SND1: variants seen among roughly 807,000 people sequenced by gnomAD.
SND1 encodes the protein staphylococcal nuclease domain-containing protein 1.
SND1 carries 38 observed loss-of-function variants against 121.7 expected under a neutral mutation model. The ratio of observed to expected loss-of-function variants is 0.31; its 90% CI spans 0.24 to 0.41. The LOEUF is 0.41. Ranked by LOEUF, SND1 falls within the 10% of genes least tolerant of loss-of-function variation. The pLI is 1.00. For missense variants in SND1, 868 were observed against 1,184.6 expected, an observed-to-expected ratio of 0.73 and a Z score of 3.92; for synonymous variants, 401 against 447.4, an observed-to-expected ratio of 0.90 and a Z score of 1.31.
rs958944872 is a variant in SND1 at position 128,081,644 on chromosome 7, C to G, written c.2110+143C>G. On this transcript the variant is annotated intron_variant, in intron 18 of 23. Coordinates refer to ENST00000354725, the MANE Select transcript of SND1 (RefSeq NM_014390.4). ...CCCCTGAAGAGCTCACGTTGCCGCC[C>G]CTGTCTCCCTGCCTTGTCCCACTGC... is the stretch of plus-strand genomic sequence containing the variant. The G allele has an allele frequency of 4.6e-6, 4 of 871,018 alleles. No individual in the cohort carries two copies. In the Admixed American group the frequency reaches 6.8e-5, roughly 15 times the overall value. 54.0% of individuals were successfully genotyped at this position (871,018 alleles called of 1,614,324 possible).
intron 10 of SND1, among the ~76,000 whole-genome samples, chr7:127,743,032 C>A (rs1796912266): frequency 6.6e-6 from 1 of 151,922 alleles, no homozygotes; most frequent in African/African-American, 2.4e-5. Flanking sequence ...ACATGTTAAC[C>A]CCCCACCCCC....
chr7:127,824,418 A>G (rs1436288485), intron 11 of SND1, among the ~76,000 whole-genome samples: 3 of 152,158 alleles, frequency 2.0e-5, no homozygotes, highest in Non-Finnish European at 4.4e-5. Flanking sequence ...CTCCTTGTTC[A>G]TTGGAGACAT....
At chr7:127,969,466 C>T (rs1801929802) in intron 15 of SND1, among the ~76,000 whole-genome samples, 1 of 152,192 alleles carries the variant, frequency 6.6e-6, no homozygotes. Context: ...TGACTCACGC[C>T]TGTAATCCCA....
intron 17 of SND1, among the ~76,000 whole-genome samples, chr7:128,077,179 G>T (rs963817311): frequency 6.6e-6 from 1 of 152,208 alleles, no homozygotes; most frequent in Non-Finnish European, 1.5e-5. Flanking sequence ...CCCCTCGCCA[G>T]CCCCACCCCT....
intron 12 of SND1, among the ~76,000 whole-genome samples, chr7:127,846,669 G>T (rs1799069641): frequency 6.6e-6 from 1 of 152,120 alleles, no homozygotes; most frequent in African/African-American, 2.4e-5. Flanking sequence ...TAGCATCTAA[G>T]GCATGACCAC....
chr7:127,753,883 C>G (rs1273169811), intron 10 of SND1, among the ~76,000 whole-genome samples: 1 of 152,292 alleles, frequency 6.6e-6, no homozygotes, highest in African/African-American at 2.4e-5. Context: ...CAATACTACA[C>G]CCATCCAGAT....
chr7:127,858,366 C>T, intron 12 of SND1: 2 of 1,357,188 alleles, frequency 1.5e-6, no homozygotes, highest in South Asian at 2.5e-5. Flanking sequence ...GCCCTAGCCA[C>T]TGTCTCTCTA....
chr7:127,984,927 T>C (rs559210618), intron 15 of SND1, among the ~76,000 whole-genome samples: 4 of 152,196 alleles, frequency 2.6e-5, no homozygotes, highest in Non-Finnish European at 5.9e-5. Context: ...ATTGCCTCCT[T>C]CCTCTGGCTC....
chr7:127,805,631 T>C (rs925709915), intron 10 of SND1, among the ~76,000 whole-genome samples: 7 of 152,192 alleles, frequency 4.6e-5, no homozygotes, highest in African/African-American at 1.4e-4. Context: ...ATCTATTTCA[T>C]AGATCCCCTT....
In SND1 at chr7:127,823,674, C is replaced by G. The variant is rs572891521; in HGVS notation, c.1242+16101C>G. 2.6e-5 allele frequency among the ~76,000 whole-genome samples: 4 copies of G among 152,294 alleles called. No homozygotes were observed. In the South Asian group the frequency reaches 8.3e-4, roughly 32 times the overall value. On this transcript the variant is annotated intron_variant, in intron 11 of 23. Coordinates refer to ENST00000354725, the MANE Select transcript of SND1 (RefSeq NM_014390.4). Reference sequence around the variant, plus strand: ...ATCAGTTAGGAACAAATGTTGGATGCCTTGCCTCTCTCAACATTTTCGAGC... The same window carrying G: ...ATCAGTTAGGAACAAATGTTGGATGGCTTGCCTCTCTCAACATTTTCGAGC...
At chr7:127,905,527 T>C (rs892502388) in intron 14 of SND1, among the ~76,000 whole-genome samples, 8 of 152,126 alleles carry the variant, frequency 5.3e-5, no homozygotes, top group African/African-American at 1.9e-4. Context: ...GCTCTGAGAA[T>C]ATAACAATGA....
intron 10 of SND1, among the ~76,000 whole-genome samples, chr7:127,785,068 A>G (rs1347479293): frequency 6.6e-6 from 1 of 152,096 alleles, no homozygotes; most frequent in Non-Finnish European, 1.5e-5. Context: ...GACTACAGGG[A>G]CACAGCACCA....
intron 11 of SND1, among the ~76,000 whole-genome samples, chr7:127,830,945 A>C (rs920127132): frequency 2.6e-5 from 4 of 152,218 alleles, no homozygotes; most frequent in African/African-American, 9.7e-5. Flanking sequence ...CAGTTACATG[A>C]ACCCTATTTT....
At chr7:128,068,993 C>T (rs1025343773) in intron 16 of SND1, among the ~76,000 whole-genome samples, 2 of 152,252 alleles carry the variant, frequency 1.3e-5, no homozygotes, top group African/African-American at 2.4e-5. Flanking sequence ...CAGCGTCGAG[C>T]TGCTCTCCTG....
chr7:127,899,540 T>C (rs1421016450), intron 13 of SND1, among the ~76,000 whole-genome samples: 1 of 152,274 alleles, frequency 6.6e-6, no homozygotes, highest in Non-Finnish European at 1.5e-5. Flanking sequence ...TTAGGAGTAA[T>C]GTGGAAATCA....
At chr7:127,783,633 G>T (rs1048482453) in intron 10 of SND1, among the ~76,000 whole-genome samples, 1 of 152,162 alleles carries the variant, frequency 6.6e-6, no homozygotes, top group Non-Finnish European at 1.5e-5. Context: ...CATTGCTGAG[G>T]ATCCCTGTAG....
Position 127,805,086 on chromosome 7 carries a change from T to C in SND1, c.1153-2398T>C, listed in dbSNP as rs530950410. 2.6e-5 allele frequency among the ~76,000 whole-genome samples: 4 copies of C among 152,326 alleles called. No homozygotes were observed. The East Asian group carries it at 7.7e-4, about 29-fold the overall frequency. ...CTCTGCTTTACAGCTTATGTTACAC[T>C]TGGCTCCTTAAGAGATCTCTGATTT... On this transcript the variant is annotated intron_variant, in intron 10 of 23. Coordinates refer to ENST00000354725, the MANE Select transcript of SND1 (RefSeq NM_014390.4).
chr7:128,041,029 G>T (rs1562879323), intron 16 of SND1, among the ~76,000 whole-genome samples: 1 of 152,182 alleles, frequency 6.6e-6, no homozygotes, highest in East Asian at 1.9e-4. Context: ...TCCAGGGAGG[G>T]AATTAAGGGA....
chr7:127,787,120 A>G (rs1257956987), intron 10 of SND1, among the ~76,000 whole-genome samples: 2 of 152,172 alleles, frequency 1.3e-5, no homozygotes, highest in African/African-American at 4.8e-5. Flanking sequence ...TCTCCTTGTG[A>G]GGGAACCTCT....
Sources: gnomAD v4.1 joint callset for allele counts (sites outside exome capture counted in the v4.1 genomes callset) on GRCh38, gnomAD v4.1.1 for gene constraint, MANE v1.5 for transcripts, NCBI Gene and HGNC (gene_info 2026-07-23, HGNC 2026-07-21) for gene names.